Variants in CNTRL observed in about 807,000 individuals in gnomAD.
CNTRL encodes the protein 110 kDa centrosomal protein.
CNTRL carries 233 observed loss-of-function variants against 303.7 expected under a neutral mutation model. The observed-to-expected ratio is 0.77, with a 90% CI of 0.69 to 0.86. CNTRL has a LOEUF of 0.86. Among genes scored for constraint, CNTRL ranks in the 40% least tolerant of loss-of-function variants. The pLI is 0.00. For synonymous variants in CNTRL, 900 were observed against 922.2 expected, an observed-to-expected ratio of 0.98 and a Z score of 0.44; for missense variants, 2,524 against 2,650.6, an observed-to-expected ratio of 0.95 and a Z score of 1.05.
intron 12 of CNTRL, chr9:121,121,684 G>A (rs940017569): frequency 2.7e-5 from 16 of 599,326 alleles, no homozygotes; most frequent in Non-Finnish European, 3.4e-5. Context: ...TGGCCCCTGG[G>A]AGCTTCCTGT....
At position 121,144,962 on chromosome 9, in the gene CNTRL, C is replaced by A; in HGVS notation, c.3168+3C>A. 4 of 1,608,538 alleles carry A rather than the reference C, an allele frequency of 2.5e-6. No homozygotes were observed. The South Asian group carries it at 4.4e-5, about 18-fold the overall frequency. On this transcript the variant is annotated splice_donor_region_variant and intron_variant, in intron 21 of 43. Coordinates refer to ENST00000373855, the MANE Select transcript of CNTRL (RefSeq NM_007018.6). ...TCCTCAGGCAGAAGGGGGAGCAGGT[C>A]AGTGTTGGTACCCAGAGACCTCCTC...
At position 121,080,349 on chromosome 9, in the gene CNTRL, A is replaced by G. The variant is rs543377915; in HGVS notation, c.-161A>G. On this transcript the variant is annotated 5_prime_UTR_variant, in exon 2 of 44. Transcript: ENST00000373855. ...TTTCCCAGGCTGCAGTGCAGTGGCCAGTCACAAGGTTGATCATAGCACATT... is the reference window on the plus strand; with the variant it reads ...TTTCCCAGGCTGCAGTGCAGTGGCCGGTCACAAGGTTGATCATAGCACATT... 1 of 152,316 alleles carries G rather than the reference A, an allele frequency of 6.6e-6. No individual in the cohort carries two copies. The highest frequency in any genetic ancestry group is 2.4e-5 in the African/African-American group (1 of 41,574). 9.4% of individuals were successfully genotyped at this position (152,316 alleles called of 1,614,324 possible).
intron 8 of CNTRL, among the ~76,000 whole-genome samples, chr9:121,109,485 A>G (rs1301119534): frequency 6.6e-6 from 1 of 152,034 alleles, no homozygotes; most frequent in Non-Finnish European, 1.5e-5. Context: ...CATTAAATGT[A>G]TTCTTCATAA....
At chr9:121,118,117 A>T (rs543156460) in intron 11 of CNTRL, among the ~76,000 whole-genome samples, 1 of 152,246 alleles carries the variant, frequency 6.6e-6, no homozygotes, top group East Asian at 1.9e-4. Context: ...ATGACAGCTT[A>T]TTTGTGCTTG....
At chr9:121,129,951 T>C (rs562660331) in intron 14 of CNTRL, among the ~76,000 whole-genome samples, 48 of 152,350 alleles carry the variant, frequency 3.2e-4, no homozygotes, top group Non-Finnish European at 5.6e-4. Context: ...GATTTGTGTA[T>C]GTTGAACCAG....
chr9:121,160,226 A>G lies in CNTRL; in HGVS notation c.5013A>G (p.Thr1671=), dbSNP rs760269552. The part of the protein sequence containing the change: ...VQISERKTQL[T]LIKQEIEKEE... ...TTAGTGAAAGAAAAACTCAACTTAC[A>G]CTTATAAAGCAGGAAATTGAAAAAG... is the stretch of plus-strand genomic sequence containing the variant. Residue 1671 remains threonine (T), a synonymous_variant, in exon 32 of 44, where the codon ACA becomes ACG. Transcript: ENST00000373855. 1.9e-5 allele frequency: 30 copies of G among 1,569,440 alleles called. No homozygotes were observed. The highest frequency in any genetic ancestry group is 2.6e-5 in the Non-Finnish European group (30 of 1,163,142).
chr9:121,136,055 G>A, intron 15 of CNTRL, 73 bp downstream of exon 15: 2 of 1,314,448 alleles, frequency 1.5e-6, no homozygotes, highest in South Asian at 3.1e-5. Context: ...TTTTATTTAT[G>A]TCTTAATTTA....
rs2049560405 is a variant in CNTRL, at chr9:121,107,982, C to T, written c.989C>T (p.Thr330Ile). 1.3e-6 allele frequency: 2 copies of T among 1,573,070 alleles called. No homozygotes were observed. Among genetic ancestry groups the T allele is most frequent in the East Asian group, 2.3e-5 (1 of 44,282 alleles). Residue 330 changes from threonine (T) to isoleucine (I), a missense_variant, in exon 8 of 44, where the codon ACA becomes ATA. Coordinates refer to ENST00000373855, the MANE Select transcript of CNTRL (RefSeq NM_007018.6). ...SCEELKSDLN[T>I]KNELLKQKTI... ...GAGGAACTCAAGAGTGACTTAAACA[C>T]AAAAAATGAATTGGTAAGTTCATAT... is the stretch of plus-strand genomic sequence containing the variant.
At position 121,120,120 on chromosome 9, in the gene CNTRL, G is replaced by GTT. The variant is rs137879836; in HGVS notation, c.1650+1589_1650+1590dup. 3.1e-4 allele frequency among the ~76,000 whole-genome samples: 46 copies of GTT among 148,544 alleles called. No individual in the cohort carries two copies. In the South Asian group the frequency reaches 4.3e-3, roughly 14 times the overall value. On this transcript the variant is annotated intron_variant, in intron 12 of 43. Coordinates refer to ENST00000373855, the MANE Select transcript of CNTRL (RefSeq NM_007018.6). The stretch of plus-strand genomic sequence containing the variant: ...TCCTGGTATACCTTGAATAATAGGG[G>GTT]TTTTTTTTTTAAAGAACTTTAAGAT...
intron 39 of CNTRL, among the ~76,000 whole-genome samples, chr9:121,170,177 C>A (rs1383405611): frequency 6.6e-6 from 1 of 152,182 alleles, no homozygotes; most frequent in Non-Finnish European, 1.5e-5. Context: ...TGGCATCTTG[C>A]TTTGTCTCCC....
At chr9:121,165,738 C>G (rs1413863367) in intron 35 of CNTRL, among the ~76,000 whole-genome samples, 1 of 152,302 alleles carries the variant, frequency 6.6e-6, no homozygotes, top group East Asian at 1.9e-4. Context: ...AGAGGTCACA[C>G]AGCTAGTAAT....
At chr9:121,120,218 G>A (rs756124302) in intron 12 of CNTRL, among the ~76,000 whole-genome samples, 4 of 151,928 alleles carry the variant, frequency 2.6e-5, no homozygotes, top group Non-Finnish European at 4.4e-5. Flanking sequence ...TTGACAAGTT[G>A]TTTAACTGTT....
In CNTRL at chr9:121,118,433, C is replaced by G; in HGVS notation, c.1543C>G (p.Leu515Val). The stretch of plus-strand genomic sequence containing the variant: ...TAAATTACGCCAGGAAGCTCTGGAT[C>G]TAGAACTGCAGATGGAAAAGCAAAA... ...VNKLRQEALD[L>V]ELQMEKQKQE... The change falls in exon 12 of 44, where the codon CTA becomes GTA. Residue 515 changes from leucine (L) to valine (V), a missense_variant. Coordinates refer to ENST00000373855, the MANE Select transcript of CNTRL (RefSeq NM_007018.6). The G allele has an allele frequency of 6.2e-7, 1 of 1,613,164 alleles. No individual in the cohort carries two copies. Among genetic ancestry groups the G allele is most frequent in the Non-Finnish European group, 8.5e-7 (1 of 1,179,478 alleles).
At position 121,156,515 on chromosome 9, in the gene CNTRL, G is replaced by A. The variant is rs182926339; in HGVS notation, c.4366-955G>A. 2.2e-4 allele frequency among the ~76,000 whole-genome samples: 34 copies of A among 152,314 alleles called. No homozygotes were observed. The East Asian group carries it at 5.0e-3, about 22-fold the overall frequency. ...AACAAGCTATCTGAAATGGAAAGAC[G>A]TATGGTAAAATATGTAGCTCTCTGG... On this transcript the variant is annotated intron_variant, in intron 27 of 43. Transcript: ENST00000373855.
At chr9:121,142,319 C>T (rs765563503) in intron 19 of CNTRL, 49 bp downstream of exon 19, 1 of 1,498,746 alleles carries the variant, frequency 6.7e-7, no homozygotes, top group Non-Finnish European at 9.0e-7. Context: ...CTGCCAGTGT[C>T]CTGCCCACTG....
At chr9:121,118,820 A>G (rs2050095271) in intron 12 of CNTRL, among the ~76,000 whole-genome samples, 2 of 152,208 alleles carry the variant, frequency 1.3e-5, no homozygotes, top group Admixed American at 6.5e-5. Flanking sequence ...ACAAGACAGT[A>G]TAACAACTAT....
Position 121,088,438 on chromosome 9 carries a change from T to G in CNTRL, c.112T>G (p.Leu38Val), listed in dbSNP as rs777617874. 6 of 1,612,176 alleles carry G rather than the reference T, an allele frequency of 3.7e-6. No homozygotes were observed. Among genetic ancestry groups the G allele is most frequent in the Non-Finnish European group, 5.1e-6 (6 of 1,178,224 alleles). Reference protein sequence around the residue: ...SNMRSRSLSPLIGSETLPFHS... With the variant: ...SNMRSRSLSPVIGSETLPFHS... ...TATGAGATCTAGGTCACTTTCACCTTTGATTGGATCAGAGACTCTACCTTT... is the reference window on the plus strand; with the variant it reads ...TATGAGATCTAGGTCACTTTCACCTGTGATTGGATCAGAGACTCTACCTTT... The change falls in exon 3 of 44, where the codon TTG (leucine) becomes GTG (valine). Residue 38 changes from leucine to valine, a missense_variant. Leu to Val is a conservative substitution (Grantham distance 32, BLOSUM62 1). Transcript: ENST00000373855.
In CNTRL at chr9:121,173,794, G is replaced by C; in HGVS notation, c.6747+57G>C. ...TGAGATACTGGGCACATTGGGGAGGGGAGGGGAAAGTTACATTTACCTGAT... is the reference window on the plus strand; with the variant it reads ...TGAGATACTGGGCACATTGGGGAGGCGAGGGGAAAGTTACATTTACCTGAT... On this transcript the variant is annotated intron_variant, in intron 42 of 43. Coordinates refer to ENST00000373855, the MANE Select transcript of CNTRL (RefSeq NM_007018.6). The C allele has an allele frequency of 1.3e-6, 2 of 1,496,838 alleles. 1 individual carries two copies. The highest frequency in any genetic ancestry group is 2.3e-5 in the South Asian group (2 of 88,676). 92.7% of individuals were successfully genotyped at this position (1,496,838 alleles called of 1,614,324 possible).
chr9:121,157,635 T>A (rs184144780), intron 28 of CNTRL, 35 bp downstream of exon 28: 7 of 1,606,566 alleles, frequency 4.4e-6, no homozygotes, highest in Non-Finnish European at 8.5e-7. Context: ...ATGTATACAT[T>A]GAGATGAATG....
Sources: gnomAD v4.1 joint callset for allele counts (sites outside exome capture counted in the v4.1 genomes callset) on GRCh38, gnomAD v4.1.1 for gene constraint, MANE v1.5 for transcripts, NCBI Gene and HGNC (gene_info 2026-07-23, HGNC 2026-07-21) for gene names.